The following SIPA1L2 variants were observed in gnomAD, a reference collection of about 807,000 sequenced individuals.
The protein encoded by SIPA1L2 is signal-induced proliferation-associated 1-like protein 2.
SIPA1L2 carries 56 observed loss-of-function variants against 163.9 expected under a neutral mutation model. The observed-to-expected ratio is 0.34, with a 90% CI of 0.28 to 0.43. The LOEUF is 0.43. Ranked by LOEUF, SIPA1L2 falls within the 20% of genes least tolerant of loss-of-function variation. SIPA1L2 has a pLI of 1.00. For missense variants in SIPA1L2, 1,974 were observed against 2,193.5 expected (o/e 0.90, Z 2.00); for synonymous variants, 877 against 865.7 (o/e 1.01, Z -0.23).
At chr1:232,440,361 CT>C (rs1036137239) in intron 14 of SIPA1L2, among the ~76,000 whole-genome samples, 1 of 152,308 alleles carries the variant, frequency 6.6e-6, no homozygotes, top group East Asian at 1.9e-4. Flanking sequence ...TTGGCCTTAT[CT>C]TTTTTTATTC....
intron 18 of SIPA1L2, among the ~76,000 whole-genome samples, chr1:232,420,248 G>A (rs1272930062): frequency 2.0e-5 from 3 of 151,972 alleles, no homozygotes; most frequent in Non-Finnish European, 2.9e-5. Flanking sequence ...GCTTGAACCC[G>A]GGAGGTGGTG....
intron 19 of SIPA1L2, among the ~76,000 whole-genome samples, chr1:232,405,224 G>A (rs1192100576): frequency 6.6e-6 from 1 of 152,240 alleles, no homozygotes; most frequent in African/African-American, 2.4e-5. Flanking sequence ...GCCCTCCTGA[G>A]TGCACCCAGC....
chr1:232,527,002 G>A (rs1356657649), intron 2 of SIPA1L2, among the ~76,000 whole-genome samples: 1 of 152,166 alleles, frequency 6.6e-6, no homozygotes, highest in African/African-American at 2.4e-5. Flanking sequence ...GTACCAGAGT[G>A]TCAGTCCAAC....
chr1:232,592,001 G>C (rs1206875520), intron 1 of SIPA1L2, among the ~76,000 whole-genome samples: 1 of 152,192 alleles, frequency 6.6e-6, no homozygotes, highest in Non-Finnish European at 1.5e-5. Context: ...TAGTGGGACT[G>C]AGCCCTTATG....
At chr1:232,480,965 T>C (rs1665323897) in intron 6 of SIPA1L2, among the ~76,000 whole-genome samples, 4 of 152,160 alleles carry the variant, frequency 2.6e-5, no homozygotes, top group Admixed American at 6.5e-5. Flanking sequence ...AGAAAAAATA[T>C]CCTATAGAGT....
intron 18 of SIPA1L2, among the ~76,000 whole-genome samples, chr1:232,419,166 A>C (rs919644186): frequency 1.3e-5 from 2 of 152,216 alleles, no homozygotes; most frequent in Non-Finnish European, 2.9e-5. Context: ...CTTAATGAAG[A>C]GCATAGTTTA....
At chr1:232,603,776 T>C (rs923062682) in intron 1 of SIPA1L2, among the ~76,000 whole-genome samples, 4 of 152,042 alleles carry the variant, frequency 2.6e-5, no homozygotes, top group African/African-American at 4.8e-5. Context: ...CATGGGGCAC[T>C]CAGGCCCTGC....
chr1:232,495,145 T>C (rs4649381), intron 3 of SIPA1L2, among the ~76,000 whole-genome samples: 38,270 of 152,200 alleles, frequency 0.25, 4,950 homozygotes, highest in Admixed American at 0.35. Flanking sequence ...CACTAATGAA[T>C]ACTGGCTAGA....
chr1:232,575,124 C>T (rs980870152), intron 1 of SIPA1L2, among the ~76,000 whole-genome samples: 1 of 152,204 alleles, frequency 6.6e-6, no homozygotes, highest in Admixed American at 6.5e-5. Context: ...CACACTCAGA[C>T]CTGACACTGC....
chr1:232,525,252 T>TG (rs1491254401), intron 2 of SIPA1L2, among the ~76,000 whole-genome samples: 7 of 147,304 alleles, frequency 4.8e-5, no homozygotes, highest in South Asian at 2.1e-4. Flanking sequence ...TTTTTTTTTT[T>TG]GGAGACGGAG....
At chr1:232,435,724 C>A (rs1413582314) in intron 15 of SIPA1L2, among the ~76,000 whole-genome samples, 1 of 152,092 alleles carries the variant, frequency 6.6e-6, no homozygotes, top group Non-Finnish European at 1.5e-5. Flanking sequence ...AAATGCCCTG[C>A]CCTCGAAGAA....
intron 2 of SIPA1L2, among the ~76,000 whole-genome samples, chr1:232,553,125 A>T (rs933652184): frequency 1.7e-4 from 26 of 152,108 alleles, no homozygotes; most frequent in African/African-American, 6.3e-4. Flanking sequence ...GGTTTTACCG[A>T]GTGGTGGAGG....
At position 232,513,933 on chromosome 1, in the gene SIPA1L2, C is replaced by G; in HGVS notation, c.1407G>C (p.Arg469Ser). 1 of 1,614,012 alleles carries G rather than the reference C, an allele frequency of 6.2e-7. No individual in the cohort carries two copies. The highest frequency in any genetic ancestry group is 1.1e-5 in the South Asian group (1 of 91,046). The change falls in exon 3 of 23, where the codon AGG becomes AGC. Residue 469 changes from arginine to serine, a missense_variant. Physicochemically the swap from Arg to Ser is moderately radical, Grantham distance 110. Coordinates refer to ENST00000674635, the MANE Select transcript of SIPA1L2 (RefSeq NM_020808.5). ...EVPRENQPIH[R>S]EKVKRYIIEH... ...CTATGATGTAGCGCTTCACTTTCTCCCTGTGAATAGGCTGGTTTTCTCTGG... is the reference window on the plus strand; with the variant it reads ...CTATGATGTAGCGCTTCACTTTCTCGCTGTGAATAGGCTGGTTTTCTCTGG...
intron 2 of SIPA1L2, among the ~76,000 whole-genome samples, chr1:232,573,940 C>G (rs778116884): frequency 7.2e-5 from 11 of 152,148 alleles, no homozygotes; most frequent in Non-Finnish European, 1.2e-4. Flanking sequence ...TTCAGTGACT[C>G]CTTTCAAAGC....
At chr1:232,542,400 T>C (rs1051335468) in intron 2 of SIPA1L2, among the ~76,000 whole-genome samples, 1 of 152,202 alleles carries the variant, frequency 6.6e-6, no homozygotes, top group African/African-American at 2.4e-5. Flanking sequence ...ATTTACTGTA[T>C]GCAAAGTGCA....
rs75284958 is a variant in SIPA1L2, at chr1:232,438,016, C to T, written c.4031+1092G>A. 5.8e-3 allele frequency among the ~76,000 whole-genome samples: 878 copies of T among 152,048 alleles called. 25 individuals are homozygous for T. Among genetic ancestry groups the T allele is most frequent in the Admixed American group, 0.046 (705 of 15,262 alleles). ...GCTAGACTTGTTGTTTACATAAGCC[C>T]CAATATGACCCTGGTGGCATGAACC... On this transcript the variant is annotated intron_variant, in intron 15 of 22. Transcript: ENST00000674635.
rs16857343 is a variant in SIPA1L2 at position 232,476,515 on chromosome 1, C to T, written c.2085+3112G>A. On this transcript the variant is annotated intron_variant, in intron 7 of 22. Transcript: ENST00000674635. ...AGCTCTTCCCACTGATGACATCCCACGATGGCTTAACCATGACTTGTCTCC... is the reference window on the plus strand; with the variant it reads ...AGCTCTTCCCACTGATGACATCCCATGATGGCTTAACCATGACTTGTCTCC... 1.2e-3 allele frequency among the ~76,000 whole-genome samples: 187 copies of T among 152,244 alleles called. 1 individual carries two copies. Among genetic ancestry groups the T allele is most frequent in the African/African-American group, 3.7e-3 (155 of 41,546 alleles).
chr1:232,427,402 A>G (rs770050066), intron 17 of SIPA1L2, among the ~76,000 whole-genome samples: 7 of 152,240 alleles, frequency 4.6e-5, no homozygotes, highest in Non-Finnish European at 8.8e-5. Context: ...TACTATAGGG[A>G]AGACAGAAGC....
chr1:232,568,880 G>T (rs1329780234), intron 2 of SIPA1L2, among the ~76,000 whole-genome samples: 2 of 152,298 alleles, frequency 1.3e-5, no homozygotes, highest in African/African-American at 2.4e-5. Flanking sequence ...CAGCTCACTA[G>T]TATTCTCCCA....
Sources: gnomAD v4.1 joint callset for allele counts (sites outside exome capture counted in the v4.1 genomes callset) on GRCh38, gnomAD v4.1.1 for gene constraint, MANE v1.5 for transcripts, NCBI Gene and HGNC (gene_info 2026-07-23, HGNC 2026-07-21) for gene names.